The following PDE1C variants were observed in gnomAD, a reference collection of about 807,000 sequenced individuals.
The protein encoded by PDE1C is dual specificity calcium/calmodulin-dependent 3',5'-cyclic nucleotide phosphodiesterase 1C.
A neutral mutation model predicts 93.1 loss-of-function variants in PDE1C; 62 were observed. The ratio of observed to expected loss-of-function variants is 0.67; its 90% confidence interval spans 0.54 to 0.82. The LOEUF (loss-of-function observed/expected upper bound fraction) is 0.82. Among genes scored for constraint, PDE1C ranks in the 40% least tolerant of loss-of-function variants. The pLI is 0.00. For missense variants in PDE1C, 742 were observed against 884.6 expected (o/e 0.84, Z 2.04); for synonymous variants, 325 against 310.1 (o/e 1.05, Z -0.50).
intron 3 of PDE1C, among the ~76,000 whole-genome samples, chr7:32,107,361 AG>A (rs1442667933): frequency 6.6e-6 from 1 of 151,032 alleles, no homozygotes; most frequent in African/African-American, 2.4e-5. Context: ...GGAGAGAAGG[AG>A]GGAGCAAGGG....
At chr7:32,205,914 C>A (rs1805441548) in intron 2 of PDE1C, among the ~76,000 whole-genome samples, 1 of 152,182 alleles carries the variant, frequency 6.6e-6, no homozygotes, top group Non-Finnish European at 1.5e-5. Context: ...TCTTAAGGAA[C>A]AAACTATGGA....
At chr7:31,895,125 G>A (rs1477762569) in intron 2 of PDE1C, among the ~76,000 whole-genome samples, 1 of 152,144 alleles carries the variant, frequency 6.6e-6, no homozygotes, top group Non-Finnish European at 1.5e-5. Context: ...CAGCTCCTAG[G>A]CAGGAAGGAG....
At chr7:31,870,805 A>G (rs10269304) in intron 6 of PDE1C, among the ~76,000 whole-genome samples, 18,151 of 151,908 alleles carry the variant, frequency 0.12, 1,563 homozygotes, top group East Asian at 0.25. Context: ...TGCAACAACA[A>G]TAAATCAAAA....
At chr7:31,987,838 A>G (rs1038893626) in intron 2 of PDE1C, among the ~76,000 whole-genome samples, 4 of 152,176 alleles carry the variant, frequency 2.6e-5, no homozygotes, top group South Asian at 2.1e-4. Context: ...AACTTTCAGT[A>G]TAAGGCTGGA....
intron 2 of PDE1C, among the ~76,000 whole-genome samples, chr7:32,189,450 C>T (rs933912605): frequency 1.3e-5 from 2 of 152,164 alleles, no homozygotes; most frequent in Admixed American, 1.3e-4. Flanking sequence ...TTTTTTAATG[C>T]ATAACTACCT....
chr7:32,388,644 A>G (rs1013773181), intron 1 of PDE1C, among the ~76,000 whole-genome samples: 4 of 143,324 alleles, frequency 2.8e-5, no homozygotes, highest in Non-Finnish European at 6.0e-5. Context: ...CACCGCTGCA[A>G]CTCCAGCCTG....
At chr7:31,655,960 CCAATT>C in the PDE1C span, 3 of 985,344 alleles carry the variant, frequency 3.0e-6, no homozygotes, top group East Asian at 1.1e-4. Flanking sequence ...AGATGAATCT[CCAATT>C]CTATTCCCCT....
intron 3 of PDE1C, among the ~76,000 whole-genome samples, chr7:32,085,908 G>A (rs1303444240): frequency 7.9e-4 from 117 of 147,746 alleles, no homozygotes; most frequent in African/African-American, 2.6e-3. Context: ...TACTGAATGG[G>A]CAAAAACTGG....
chr7:32,410,859 T>C (rs886227076), intron 1 of PDE1C, among the ~76,000 whole-genome samples: 1 of 152,216 alleles, frequency 6.6e-6, no homozygotes, highest in Admixed American at 6.5e-5. Context: ...GTGATGGCTG[T>C]CCACCTTTGC....
At chr7:32,079,771 T>C (rs1278218293) in intron 3 of PDE1C, among the ~76,000 whole-genome samples, 1 of 152,124 alleles carries the variant, frequency 6.6e-6, no homozygotes, top group African/African-American at 2.4e-5. Context: ...GAGCGGCCAG[T>C]CCTCTTACGG....
chr7:31,811,196 C>T (rs1039787451), intron 15 of PDE1C, among the ~76,000 whole-genome samples: 2 of 152,206 alleles, frequency 1.3e-5, no homozygotes, highest in Non-Finnish European at 1.5e-5. Context: ...TAAGGAAAAA[C>T]CGCTTTTGCT....
In PDE1C at chr7:32,055,112, C is replaced by T. The variant is rs141796011; in HGVS notation, c.102-3532G>A. 2.0e-5 allele frequency among the ~76,000 whole-genome samples: 3 copies of T among 152,320 alleles called. No individual in the cohort carries two copies. In the East Asian group the frequency reaches 5.8e-4, roughly 29 times the overall value. On this transcript the variant is annotated intron_variant, in intron 1 of 17. Transcript: ENST00000396191. ...TACCTGACATCTGCTAGTGTTTCTT[C>T]CTTGTCATGGCAACTGCTCAATATG... is the stretch of plus-strand genomic sequence containing the variant.
At chr7:32,322,159 A>G (rs1313240330) in intron 1 of PDE1C, among the ~76,000 whole-genome samples, 2 of 152,240 alleles carry the variant, frequency 1.3e-5, no homozygotes, top group Admixed American at 6.5e-5. Context: ...TGAGCTATCC[A>G]GTAACTTGCT....
chr7:31,918,874 C>A (rs1231893740), intron 2 of PDE1C, among the ~76,000 whole-genome samples: 1 of 152,194 alleles, frequency 6.6e-6, no homozygotes, highest in African/African-American at 2.4e-5. Context: ...CCACTCCACT[C>A]CAAGCTAAAT....
At chr7:31,643,723 C>G in the PDE1C span, 1 of 1,614,042 alleles carries the variant, frequency 6.2e-7, no homozygotes, top group Non-Finnish European at 8.5e-7. Flanking sequence ...ATCCGTCTCT[C>G]TAGACTCAGG....
intron 1 of PDE1C, among the ~76,000 whole-genome samples, chr7:32,243,936 T>C (rs1289591728): frequency 1.3e-5 from 2 of 152,144 alleles, no homozygotes; most frequent in Non-Finnish European, 2.9e-5. Flanking sequence ...CCTTTCAAGA[T>C]GAAGATTTAC....
the PDE1C span, among the ~76,000 whole-genome samples, chr7:31,671,315 A>G: frequency 3.3e-5 from 5 of 152,140 alleles, no homozygotes; most frequent in Non-Finnish European, 7.4e-5. Flanking sequence ...ATGGCACCCA[A>G]AAGTGCTCAC....
chr7:31,765,454 T>C (rs141557229), intron 17 of PDE1C, among the ~76,000 whole-genome samples: 1 of 152,328 alleles, frequency 6.6e-6, no homozygotes, highest in East Asian at 1.9e-4. Context: ...CTAAGTCTTT[T>C]GCTGTATTTT....
chr7:31,866,969 C>T (rs1795373319), intron 6 of PDE1C, among the ~76,000 whole-genome samples: 1 of 152,102 alleles, frequency 6.6e-6, no homozygotes, highest in Admixed American at 6.5e-5. Flanking sequence ...CTGGGTCCCA[C>T]ACATCCCCTA....
Sources: allele counts gnomAD v4.1 joint callset (sites outside exome capture counted in the v4.1 genomes callset), GRCh38; gene constraint gnomAD v4.1.1; transcripts MANE v1.5; gene names NCBI Gene and HGNC (gene_info 2026-07-23, HGNC 2026-07-21).